The following RETREG1 variants were observed in gnomAD, a reference collection of about 807,000 sequenced individuals.
RETREG1 encodes family with sequence similarity 134 member B.
Under a neutral mutation model 54.8 loss-of-function variants are expected in RETREG1, and 44 were observed. The ratio of observed to expected loss-of-function variants is 0.80; its 90% CI spans 0.63 to 1.03. The LOEUF is 1.03. Among genes scored for constraint, RETREG1 ranks in the 50% least tolerant of loss-of-function variants. The pLI is 0.00. For synonymous variants in RETREG1, 217 were observed against 238.5 expected, an observed-to-expected ratio of 0.91 and a Z score of 0.83; for missense variants, 554 against 605.1, an observed-to-expected ratio of 0.92 and a Z score of 0.89.
intron 3 of RETREG1, among the ~76,000 whole-genome samples, chr5:16,533,161 C>G (rs961766619): frequency 9.9e-5 from 15 of 152,122 alleles, no homozygotes; most frequent in African/African-American, 3.4e-4. Context: ...TCTCCTGCCT[C>G]AGCCTCCTGA....
chr5:16,573,108 G>A (rs1041568171), intron 1 of RETREG1, among the ~76,000 whole-genome samples: 1 of 149,820 alleles, frequency 6.7e-6, no homozygotes, highest in African/African-American at 2.5e-5. Context: ...CTTGAACCTG[G>A]GAGGCGGAGG....
rs1476635143 is a variant in RETREG1 at position 16,487,052 on chromosome 5, T to C, written c.459-3580A>G. Among the ~76,000 whole-genome samples the C allele has an allele frequency of 2.0e-5, 3 of 152,176 alleles. No homozygotes were observed. The East Asian group carries it at 5.8e-4, about 29-fold the overall frequency. ...AGGCTTGGGGAACAGATCTTTTCCA[T>C]GGTGTGTAGCTGTCTTCCCACCATC... On this transcript the variant is annotated intron_variant, in intron 3 of 8. Coordinates refer to ENST00000306320, the MANE Select transcript of RETREG1 (RefSeq NM_001034850.3).
chr5:16,491,380 G>T (rs1310281378), intron 3 of RETREG1, among the ~76,000 whole-genome samples: 3 of 152,260 alleles, frequency 2.0e-5, no homozygotes, highest in East Asian at 3.9e-4. Context: ...TCCCATGAAG[G>T]AATTCTTGGA....
chr5:16,520,216 T>C (rs1292287306), intron 3 of RETREG1, among the ~76,000 whole-genome samples: 2 of 152,184 alleles, frequency 1.3e-5, no homozygotes, highest in Non-Finnish European at 2.9e-5. Context: ...AGTCAGAGCC[T>C]GCAAGGGTGG....
rs76996829 is a variant in RETREG1 at position 16,569,670 on chromosome 5, G to A, written c.427+2326C>T. 4.3e-3 allele frequency among the ~76,000 whole-genome samples: 653 copies of A among 152,320 alleles called. 2 individuals carry two copies. Among genetic ancestry groups the A allele is most frequent in the Non-Finnish European group, 6.9e-3 (469 of 68,034 alleles). On this transcript the variant is annotated intron_variant, in intron 2 of 8. Transcript: ENST00000306320. Reference sequence around the variant, plus strand: ...GGACAGAGAGGTTCAGATGGTATAGGAGGCTGACTCATAGCTCACAAAGAT... The same window carrying A: ...GGACAGAGAGGTTCAGATGGTATAGAAGGCTGACTCATAGCTCACAAAGAT...
chr5:16,583,880 C>T (rs1418996475), intron 1 of RETREG1, among the ~76,000 whole-genome samples: 54 of 152,272 alleles, frequency 3.5e-4, no homozygotes, highest in Admixed American at 3.5e-3. Context: ...AATGAATCTG[C>T]ATTATTTGCT....
At chr5:16,510,710 A>G (rs1220258737) in intron 3 of RETREG1, among the ~76,000 whole-genome samples, 2 of 150,032 alleles carry the variant, frequency 1.3e-5, no homozygotes, top group Non-Finnish European at 3.0e-5. Flanking sequence ...GAATCACTTG[A>G]GCCTGGGAGG....
intron 3 of RETREG1, among the ~76,000 whole-genome samples, chr5:16,528,486 A>G (rs892279662): frequency 2.6e-5 from 4 of 152,140 alleles, no homozygotes; most frequent in Admixed American, 1.3e-4. Context: ...CTGGGACAGG[A>G]GTCAGCTCTG....
intron 3 of RETREG1, among the ~76,000 whole-genome samples, chr5:16,490,443 A>T (rs541585991): frequency 1.3e-5 from 2 of 152,232 alleles, no homozygotes; most frequent in Non-Finnish European, 2.9e-5. Flanking sequence ...CAATTAGGTT[A>T]TATAATAAAT....
At chr5:16,479,136 A>G (rs1377177508) in intron 5 of RETREG1, 149 bp from the exon 6 acceptor site, 2 of 756,932 alleles carry the variant, frequency 2.6e-6, no homozygotes, top group Admixed American at 5.4e-5. Context: ...TATAATTTCT[A>G]TTCTTTTTCT....
At chr5:16,567,635 C>T (rs1377061699) in intron 2 of RETREG1, among the ~76,000 whole-genome samples, 1 of 152,106 alleles carries the variant, frequency 6.6e-6, no homozygotes, top group African/African-American at 2.4e-5. Flanking sequence ...CCTCCCACAG[C>T]ACAGGGCAGT....
At chr5:16,559,634 T>C (rs988664115) in intron 3 of RETREG1, among the ~76,000 whole-genome samples, 1 of 152,252 alleles carries the variant, frequency 6.6e-6, no homozygotes, top group African/African-American at 2.4e-5. Flanking sequence ...TGAGTTATAA[T>C]GTACCAACTA....
chr5:16,497,096 A>G (rs1323084568), intron 3 of RETREG1, among the ~76,000 whole-genome samples: 1 of 152,202 alleles, frequency 6.6e-6, no homozygotes, highest in Non-Finnish European at 1.5e-5. Flanking sequence ...ACTCTAATAG[A>G]ACCTCCCATT....
chr5:16,477,075 T>C (rs1738569939), intron 8 of RETREG1, among the ~76,000 whole-genome samples: 1 of 152,124 alleles, frequency 6.6e-6, no homozygotes, highest in Admixed American at 6.6e-5. Context: ...CTCTCCCACA[T>C]TATCGCTTGG....
intron 1 of RETREG1, among the ~76,000 whole-genome samples, chr5:16,607,874 T>C (rs1402396913): frequency 7.0e-6 from 1 of 143,778 alleles, no homozygotes; most frequent in East Asian, 2.4e-4. Flanking sequence ...ACTCTCACTG[T>C]TTTTATTTTT....
intron 3 of RETREG1, chr5:16,508,855 T>G (rs1740072270): frequency 7.2e-7 from 1 of 1,392,162 alleles, no homozygotes; most frequent in East Asian, 2.7e-5. Flanking sequence ...TTATTATCAC[T>G]GCCCCCTTCT....
rs2927606 is a variant in RETREG1 at position 16,590,925 on chromosome 5, G to A, written c.321-18823C>T. ...CACAAACACAAAAAAACACACACAT[G>A]CAAATATACCCACACACGCACATGC... On this transcript the variant is annotated intron_variant, in intron 1 of 8. Transcript: ENST00000306320. Among the ~76,000 whole-genome samples the A allele has an allele frequency of 6.6e-3, 995 of 150,042 alleles. 6 individuals carry two copies. Among genetic ancestry groups the A allele is most frequent in the African/African-American group, 0.023 (918 of 40,776 alleles).
At chr5:16,485,958 A>C (rs1739002311) in intron 3 of RETREG1, among the ~76,000 whole-genome samples, 1 of 152,198 alleles carries the variant, frequency 6.6e-6, no homozygotes, top group Non-Finnish European at 1.5e-5. Flanking sequence ...AAAGAAAAAA[A>C]TATGCAATCT....
chr5:16,514,943 A>G (rs1326438076), intron 3 of RETREG1, among the ~76,000 whole-genome samples: 1 of 147,784 alleles, frequency 6.8e-6, no homozygotes, highest in African/African-American at 2.5e-5. Context: ...ATGTGCATAT[A>G]TATTATATAT....
Sources: allele counts gnomAD v4.1 joint callset (sites outside exome capture counted in the v4.1 genomes callset), GRCh38; gene constraint gnomAD v4.1.1; transcripts MANE v1.5; gene names NCBI Gene and HGNC (gene_info 2026-07-23, HGNC 2026-07-21).